The following RABGAP1 variants were observed in gnomAD, a reference collection of about 807,000 sequenced individuals.
The protein encoded by RABGAP1 is rab GTPase-activating protein 1.
RABGAP1 carries 23 observed loss-of-function variants against 137.6 expected under a neutral mutation model. The ratio of observed to expected loss-of-function variants is 0.17; its 90% CI spans 0.12 to 0.24. The LOEUF (loss-of-function observed/expected upper bound fraction) is 0.24, where lower values mean the gene tolerates loss of function less well. RABGAP1 is among the 10% of genes least tolerant of loss of function. RABGAP1 has a pLI of 1.00. For synonymous variants in RABGAP1, 451 were observed against 450.7 expected (o/e 1.00, Z -0.01); for missense variants, 906 against 1,275.8 (o/e 0.71, Z 4.42).
At chr9:122,989,863 C>T in intron 5 of RABGAP1, 193 bp from the exon 6 acceptor site, 1 of 583,278 alleles carries the variant, frequency 1.7e-6, no homozygotes, top group Non-Finnish European at 2.9e-6. Context: ...ACAACCATTT[C>T]TTTTTTAAAA....
At chr9:122,941,265 G>C (rs1237086677) in intron 1 of RABGAP1, among the ~76,000 whole-genome samples, 172 bp downstream of exon 1, 1 of 152,174 alleles carries the variant, frequency 6.6e-6, no homozygotes, top group African/African-American at 2.4e-5. Flanking sequence ...AGCCGTGATT[G>C]GGGGGAGGGG....
At chr9:122,959,090 A>G (rs752984034) in intron 2 of RABGAP1, among the ~76,000 whole-genome samples, 4 of 152,238 alleles carry the variant, frequency 2.6e-5, no homozygotes, top group Admixed American at 6.5e-5. Flanking sequence ...AAATTAATTA[A>G]TAAGAGTGAA....
intron 3 of RABGAP1, among the ~76,000 whole-genome samples, chr9:122,985,105 T>TA (rs1836298970): frequency 6.6e-6 from 1 of 152,026 alleles, no homozygotes; most frequent in African/African-American, 2.4e-5. Flanking sequence ...TATATAGCTC[T>TA]ATGGGAGCAG....
chr9:123,009,284 A>G (rs2030586749), intron 10 of RABGAP1, among the ~76,000 whole-genome samples: 1 of 152,248 alleles, frequency 6.6e-6, no homozygotes, highest in Admixed American at 6.5e-5. Context: ...ACAGTGCTTC[A>G]AGATGATATT....
intron 13 of RABGAP1, among the ~76,000 whole-genome samples, chr9:123,028,543 C>T (rs983464584): frequency 2.0e-5 from 3 of 152,146 alleles, no homozygotes; most frequent in Admixed American, 2.0e-4. Context: ...TGCTGCATAA[C>T]AGATGTGGTC....
intron 13 of RABGAP1, among the ~76,000 whole-genome samples, chr9:123,045,976 G>C (rs2033189414): frequency 6.6e-6 from 1 of 152,118 alleles, no homozygotes; most frequent in South Asian, 2.1e-4. Context: ...TGACTTCCAG[G>C]TCCTGCAAAT....
intron 2 of RABGAP1, among the ~76,000 whole-genome samples, chr9:122,967,779 G>A (rs1472937972): frequency 2.0e-5 from 3 of 149,214 alleles, no homozygotes; most frequent in African/African-American, 7.4e-5. Flanking sequence ...TTTCACTCTT[G>A]TTGCCCAGGC....
intron 2 of RABGAP1, among the ~76,000 whole-genome samples, chr9:122,967,664 A>G (rs551261027): frequency 4.6e-5 from 7 of 152,246 alleles, no homozygotes; most frequent in Admixed American, 3.3e-4. Context: ...TTAGTCATTT[A>G]TAGTACATGG....
intron 19 of RABGAP1, 188 bp from the exon 20 acceptor site, chr9:123,089,570 C>T (rs1014194385): frequency 2.0e-5 from 11 of 537,726 alleles, no homozygotes; most frequent in Non-Finnish European, 3.3e-5. Context: ...GAACTCTAAA[C>T]GCATTGAGAA....
the RABGAP1 span, among the ~76,000 whole-genome samples, chr9:122,933,539 C>T: frequency 9.2e-5 from 14 of 151,706 alleles, no homozygotes; most frequent in African/African-American, 3.4e-4. Context: ...CTGCCACCTT[C>T]GCCTCCCGGG....
At chr9:122,992,576 C>G (rs944476036) in intron 6 of RABGAP1, among the ~76,000 whole-genome samples, 1 of 151,650 alleles carries the variant, frequency 6.6e-6, no homozygotes, top group African/African-American at 2.4e-5. Flanking sequence ...GGACTTTGTT[C>G]TCCTTTTGCT....
chr9:122,947,900 A>C (rs1477925750), intron 1 of RABGAP1, among the ~76,000 whole-genome samples: 1 of 152,210 alleles, frequency 6.6e-6, no homozygotes, highest in South Asian at 2.1e-4. Context: ...AGCAGTTAGT[A>C]GTGGTGGAAA....
At chr9:122,955,844 C>T (rs1159454593) in intron 1 of RABGAP1, among the ~76,000 whole-genome samples, 1 of 152,122 alleles carries the variant, frequency 6.6e-6, no homozygotes, top group Non-Finnish European at 1.5e-5. Context: ...ACTTCTCAGT[C>T]AGAGAAATTA....
At chr9:123,078,929 G>A (rs551830807) in intron 19 of RABGAP1, among the ~76,000 whole-genome samples, 2 of 152,180 alleles carry the variant, frequency 1.3e-5, no homozygotes, top group East Asian at 1.9e-4. Flanking sequence ...GAAAACTCAC[G>A]TTTCCACCAT....
chr9:123,049,290 TTTG>T (rs201223630), intron 13 of RABGAP1, among the ~76,000 whole-genome samples: 47 of 152,130 alleles, frequency 3.1e-4, no homozygotes, highest in South Asian at 1.5e-3. Flanking sequence ...TATGGTGTTT[TTTG>T]TTGTTGTTGT....
intron 11 of RABGAP1, among the ~76,000 whole-genome samples, chr9:123,011,686 G>A (rs762674274): frequency 1.3e-5 from 2 of 152,126 alleles, no homozygotes; most frequent in South Asian, 2.1e-4. Context: ...GGCCAGGCAC[G>A]GTGGCTCATG....
At chr9:123,020,555 ATTAAT>A in intron 13 of RABGAP1, 96 bp downstream of exon 13, 1 of 1,177,084 alleles carries the variant, frequency 8.5e-7, no homozygotes, top group South Asian at 2.8e-5. Flanking sequence ...AGTGTTTATT[ATTAAT>A]TTATTTAAGA....
At chr9:123,021,157 C>T (rs777784741) in intron 13 of RABGAP1, among the ~76,000 whole-genome samples, 23 of 151,890 alleles carry the variant, frequency 1.5e-4, no homozygotes, top group Non-Finnish European at 2.5e-4. Context: ...AAACCTGGGT[C>T]GTGAATGTAT....
intron 2 of RABGAP1, among the ~76,000 whole-genome samples, chr9:122,974,005 CA>C (rs1435415204): frequency 8.9e-6 from 1 of 111,966 alleles, no homozygotes; most frequent in Non-Finnish European, 2.2e-5. Flanking sequence ...AACTTCGTCT[CA>C]AACCAAAAAA....
Sources: allele counts gnomAD v4.1 joint callset (sites outside exome capture counted in the v4.1 genomes callset), GRCh38; gene constraint gnomAD v4.1.1; transcripts MANE v1.5; gene names NCBI Gene and HGNC (gene_info 2026-07-23, HGNC 2026-07-21).